The following TBL3 variants were observed in gnomAD, a reference collection of about 807,000 sequenced individuals.
TBL3 encodes transducin beta like 3.
In TBL3, 71 loss-of-function variants were observed where a neutral mutation model predicts 102.7. The observed-to-expected ratio is 0.69, with a 90% CI of 0.57 to 0.84. TBL3 has a LOEUF of 0.84. TBL3 is among the 40% of genes least tolerant of loss of function. The pLI, the probability that TBL3 is intolerant of heterozygous loss-of-function variation, is 0.00. For synonymous variants in TBL3, 578 were observed against 477.7 expected (o/e 1.21, Z -2.74); for missense variants, 1,188 against 1,098.5 (o/e 1.08, Z -1.15).
Position 1,980,258 on chromosome 16 carries a change from C to G in TBL3, c.*1573C>G. 1 of 1,518,850 alleles carries G rather than the reference C, an allele frequency of 6.6e-7. No individual in the cohort carries two copies. Among genetic ancestry groups the G allele is most frequent in the East Asian group, 2.3e-5 (1 of 42,588 alleles). 94.1% of individuals were successfully genotyped at this position (1,518,850 alleles called of 1,614,324 possible). ...ACTGGGGGCGCCACCCCGGCAAGAC[C>G]GCCAGCCTCCCACTCTCTGCCCCTA... On this transcript the variant is annotated 3_prime_UTR_variant, in exon 22 of 22. Coordinates refer to ENST00000568546, the MANE Select transcript of TBL3 (RefSeq NM_006453.3).
rs11864416 is a variant in TBL3 at position 1,978,099 on chromosome 16, C to T, written c.2062+38C>T. The T allele has an allele frequency of 3.9e-3, 6,324 of 1,609,030 alleles. 175 individuals are homozygous for T. The African/African-American group carries it at 0.064, about 16-fold the overall frequency. ...CCCGGGGGGCGAGGGGCTGGGTCTT[C>T]GGACCACTGGGCTCTGCTTTCCCCA... On this transcript the variant is annotated intron_variant, in intron 19 of 21. Coordinates refer to ENST00000568546, the MANE Select transcript of TBL3 (RefSeq NM_006453.3).
Position 1,981,753 on chromosome 16 carries a change from A to C in TBL3, c.*3068A>C, listed in dbSNP as rs1233596831. 6.4e-6 allele frequency: 1 copy of C among 156,334 alleles called. No individual in the cohort carries two copies. Among genetic ancestry groups the C allele is most frequent in the Non-Finnish European group, 1.4e-5 (1 of 70,462 alleles). The allele number at this position is 156,334 out of a possible 1,614,324, so 9.7% of individuals were successfully genotyped here. On this transcript the variant is annotated 3_prime_UTR_variant, in exon 22 of 22. Transcript: ENST00000568546. ...GGAGGAAAGGTCTCTTAATGTCCCC[A>C]ACTCATAGAGGAGGAAATGTGTGTT...
chr16:1,975,246 C>T lies in TBL3; in HGVS notation c.695C>T (p.Thr232Ile), dbSNP rs2083391458. The change falls in exon 8 of 22, where the codon ACC becomes ATC. Residue 232 changes from threonine to isoleucine, a missense_variant. Physicochemically the swap from Thr to Ile is moderately conservative, Grantham distance 89. Transcript: ENST00000568546. ...CTTCAGAGCTGCCAGGCCACGAGGA[C>T]CGTGCCTGTGTTTGAGGTGGGGATG... Reference protein sequence around the residue: ...WDLQSCQATRTVPVFESVEAA... With the variant: ...WDLQSCQATRIVPVFESVEAA... 2.5e-6 allele frequency: 4 copies of T among 1,613,906 alleles called. No individual in the cohort carries two copies. The highest frequency in any genetic ancestry group is 3.4e-6 in the Non-Finnish European group (4 of 1,180,032).
chr16:1,976,040 C>T lies in TBL3; in HGVS notation c.1130-16C>T, dbSNP rs1460202286. 1.2e-6 allele frequency: 2 copies of T among 1,614,186 alleles called. No homozygotes were observed. Among genetic ancestry groups the T allele is most frequent in the South Asian group, 2.2e-5 (2 of 91,090 alleles). ...CCGTCTTGCTGTGTGACCTATACCT[C>T]CCCACAACATCTCAGATATCGTCCT... On this transcript the variant is annotated splice_polypyrimidine_tract_variant and intron_variant, in intron 11 of 21. Coordinates refer to ENST00000568546, the MANE Select transcript of TBL3 (RefSeq NM_006453.3).
Position 1,979,108 on chromosome 16 carries a change from G to GGC in TBL3, c.*426_*427dup. On this transcript the variant is annotated 3_prime_UTR_variant, in exon 22 of 22. Transcript: ENST00000568546. Reference sequence around the variant, plus strand: ...TCCACGCACCCTCGAGGGCGGCCCTGGCGCCGTGGGCGCCGCTCCAGGGCC... The same window carrying GGC: ...TCCACGCACCCTCGAGGGCGGCCCTGGCGCGCCGTGGGCGCCGCTCCAGGGCC... The GGC allele has an allele frequency of 2.0e-6, 3 of 1,491,064 alleles. No homozygotes were observed. The highest frequency in any genetic ancestry group is 2.6e-6 in the Non-Finnish European group (3 of 1,135,460). 92.4% of individuals were successfully genotyped at this position (1,491,064 alleles called of 1,614,324 possible).
At position 1,974,178 on chromosome 16, in the gene TBL3, G is replaced by C. The variant is rs773893272; in HGVS notation, c.94-19G>C. The C allele has an allele frequency of 8.9e-6, 14 of 1,566,896 alleles. No homozygotes were observed. The highest frequency in any genetic ancestry group is 1.2e-5 in the Non-Finnish European group (14 of 1,152,578). On this transcript the variant is annotated intron_variant, in intron 2 of 21. Transcript: ENST00000568546. ...GGGGGGTGCTGAATGTTGCCTGGCT[G>C]AGACCTCTCTGTCCCCAGCTGGACC...
rs149008784 is a variant in TBL3 at position 1,975,636 on chromosome 16, G to A, written c.913G>A (p.Gly305Ser). 68 of 1,604,644 alleles carry A rather than the reference G, an allele frequency of 4.2e-5. No homozygotes were observed. The highest frequency in any genetic ancestry group is 3.1e-4 in the African/African-American group (23 of 74,906). Residue 305 changes from glycine to serine, a missense_variant, in exon 10 of 22, where the codon GGC (glycine) becomes AGC (serine). Coordinates refer to ENST00000568546, the MANE Select transcript of TBL3 (RefSeq NM_006453.3). ...CCACTGCACCCTGGCACACACCGCC[G>A]GCGTGGTCCTCACCGCCACCGCCGA... is the stretch of plus-strand genomic sequence containing the variant. ...LTHCTLAHTA[G>S]VVLTATADHN...
rs753543887 is a variant in TBL3, at chr16:1,975,400, A to C, written c.767A>C (p.Lys256Thr). 5 of 1,613,852 alleles carry C rather than the reference A, an allele frequency of 3.1e-6. No homozygotes were observed. Among genetic ancestry groups the C allele is most frequent in the Admixed American group, 1.7e-5 (1 of 60,000 alleles). Reference sequence around the variant, plus strand: ...GAGCCAGTGTCCCAGCTGGGTGTGAAGTCCCCAGGGCTGTACTTTCTGACA... The same window carrying C: ...GAGCCAGTGTCCCAGCTGGGTGTGACGTCCCCAGGGCTGTACTTTCTGACA... The part of the protein sequence containing the change: ...PEEPVSQLGV[K>T]SPGLYFLTAG... The change falls in exon 9 of 22, where the codon AAG (lysine) becomes ACG (threonine). Residue 256 changes from lysine to threonine, a missense_variant. Physicochemically the swap from Lys to Thr is moderately conservative, Grantham distance 78 (BLOSUM62 -1). Transcript: ENST00000568546.
rs561211825 is a variant in TBL3 at position 1,981,460 on chromosome 16, G to A, written c.*2775G>A. Reference sequence around the variant, plus strand: ...GAATGAGCTTTCCAGCCCTGGAGGCGTGCAAGACTGAAGAAGGGGCGAAGG... The same window carrying A: ...GAATGAGCTTTCCAGCCCTGGAGGCATGCAAGACTGAAGAAGGGGCGAAGG... On this transcript the variant is annotated 3_prime_UTR_variant, in exon 22 of 22. Transcript: ENST00000568546. 18 of 670,522 alleles carry A rather than the reference G, an allele frequency of 2.7e-5. No individual in the cohort carries two copies. The highest frequency in any genetic ancestry group is 9.2e-5 in the South Asian group (4 of 43,252). The allele number at this position is 670,522 out of a possible 1,614,324, so 41.5% of individuals were successfully genotyped here. A position where few individuals can be genotyped will look rare whatever the true frequency, so the allele number is the denominator to read the frequency against.
At position 1,977,221 on chromosome 16, in the gene TBL3, G is replaced by A; in HGVS notation, c.1608G>A (p.Leu536=). The A allele has an allele frequency of 6.2e-7, 1 of 1,613,182 alleles. No individual in the cohort carries two copies. Among genetic ancestry groups the A allele is most frequent in the Non-Finnish European group, 8.5e-7 (1 of 1,179,944 alleles). Residue 536 remains leucine (L), a synonymous_variant, in exon 15 of 22, where the codon CTG becomes CTA. Transcript: ENST00000568546. ...AGTTCTCTCCCATGGACCAGGTGCTGGCCACGGCCTCAGCTGATGGCACCA... is the reference window on the plus strand; with the variant it reads ...AGTTCTCTCCCATGGACCAGGTGCTAGCCACGGCCTCAGCTGATGGCACCA... ...CVQFSPMDQV[L]ATASADGTIK... is the part of the protein sequence containing the mutation.
rs2083458112 is a variant in TBL3 at position 1,979,701 on chromosome 16, T to C, written c.*1016T>C. 2 of 1,240,326 alleles carry C rather than the reference T, an allele frequency of 1.6e-6. No individual in the cohort carries two copies. The highest frequency in any genetic ancestry group is 1.1e-6 in the Non-Finnish European group (1 of 905,710). 76.8% of individuals were successfully genotyped at this position (1,240,326 alleles called of 1,614,324 possible). ...GGTGCGGAGACCAAGCACGGGCTCC[T>C]GGCCCGCCCTGCCCGCGGTGCTTCT... On this transcript the variant is annotated 3_prime_UTR_variant, in exon 22 of 22. Coordinates refer to ENST00000568546, the MANE Select transcript of TBL3 (RefSeq NM_006453.3).
At position 1,977,125 on chromosome 16, in the gene TBL3, G is replaced by C. The variant is rs1191870126; in HGVS notation, c.1512G>C (p.Lys504Asn). The C allele has an allele frequency of 5.6e-6, 9 of 1,613,094 alleles. No individual in the cohort carries two copies. Among genetic ancestry groups the C allele is most frequent in the Non-Finnish European group, 7.6e-6 (9 of 1,180,022 alleles). ...LATGSQDRTA[K>N]LWALPQCQLL... The stretch of plus-strand genomic sequence containing the variant: ...CAGGCTCACAGGACCGCACGGCCAA[G>C]CTCTGGGCCCTGCCACAGTGCCAGC... The change falls in exon 15 of 22, where the codon AAG becomes AAC. Residue 504 changes from lysine (K) to asparagine (N), a missense_variant. Lys to Asn is a moderately conservative substitution (Grantham distance 94, BLOSUM62 0). Coordinates refer to ENST00000568546, the MANE Select transcript of TBL3 (RefSeq NM_006453.3).
At position 1,981,489 on chromosome 16, in the gene TBL3, G is replaced by A. The variant is rs2083509800; in HGVS notation, c.*2804G>A. 8 of 477,616 alleles carry A rather than the reference G, an allele frequency of 1.7e-5. No homozygotes were observed. The South Asian group carries it at 1.8e-4, about 11-fold the overall frequency. 29.6% of individuals were successfully genotyped at this position (477,616 alleles called of 1,614,324 possible). A position where few individuals can be genotyped will look rare whatever the true frequency, so the allele number is the denominator to read the frequency against. On this transcript the variant is annotated 3_prime_UTR_variant, in exon 22 of 22. Coordinates refer to ENST00000568546, the MANE Select transcript of TBL3 (RefSeq NM_006453.3). The stretch of plus-strand genomic sequence containing the variant: ...AAGACTGAAGAAGGGGCGAAGGGTA[G>A]GCGGGACTGCTGCCTGGGGCCCTCC...
chr16:1,975,226 G>GA lies in TBL3; in HGVS notation c.676dup (p.Ser226LysfsTer12). On this transcript the variant is annotated frameshift_variant, in exon 8 of 22. Transcript: ENST00000568546. LOFTEE classifies it high-confidence loss of function. ...AGATATGTATCATCTGGGACCTTCA[G>GA]AGCTGCCAGGCCACGAGGACCGTGC... is the stretch of plus-strand genomic sequence containing the variant. 6.2e-7 allele frequency: 1 copy of GA among 1,613,906 alleles called. No homozygotes were observed. The highest frequency in any genetic ancestry group is 1.3e-5 in the African/African-American group (1 of 75,046).
rs746511582 is a variant in TBL3 at position 1,979,335 on chromosome 16, G to A, written c.*650G>A. The A allele has an allele frequency of 1.3e-5, 21 of 1,574,658 alleles. No homozygotes were observed. Among genetic ancestry groups the A allele is most frequent in the Non-Finnish European group, 1.8e-5 (21 of 1,167,768 alleles). ...CAGCAGCACCGCGGGGAGTAGGCCC[G>A]CCCGGTCGCCGTACCTGCGAGGGGC... On this transcript the variant is annotated 3_prime_UTR_variant, in exon 22 of 22. Coordinates refer to ENST00000568546, the MANE Select transcript of TBL3 (RefSeq NM_006453.3).
Position 1,975,348 on chromosome 16 carries a change from G to A in TBL3, c.715G>A (p.Val239Met), listed in dbSNP as rs776909164. 3.8e-5 allele frequency: 62 copies of A among 1,613,910 alleles called. 1 individual carries two copies. Among genetic ancestry groups the A allele is most frequent in the Admixed American group, 3.2e-4 (19 of 60,006 alleles). The change falls in exon 9 of 22, where the codon GTG (valine) becomes ATG (methionine). Residue 239 changes from valine (V) to methionine (M), a missense_variant. Coordinates refer to ENST00000568546, the MANE Select transcript of TBL3 (RefSeq NM_006453.3). ...ATRTVPVFES[V>M]EAAVLLPEEP... The stretch of plus-strand genomic sequence containing the variant: ...CTGTGACCCAATTCGTCTCCAGAGC[G>A]TGGAGGCTGCTGTGCTGTTGCCAGA...
rs2083398886 is a variant in TBL3, at chr16:1,976,043, CACA to C, written c.1130-9_1130-7del. ...TCTTGCTGTGTGACCTATACCTCCC[CACA>C]ACATCTCAGATATCGTCCTGGCCCT... On this transcript the variant is annotated splice_polypyrimidine_tract_variant and intron_variant, in intron 11 of 21. Transcript: ENST00000568546. 2.5e-6 allele frequency: 4 copies of C among 1,614,078 alleles called. No individual in the cohort carries two copies. Among genetic ancestry groups the C allele is most frequent in the East Asian group, 4.5e-5 (2 of 44,900 alleles).
At position 1,979,283 on chromosome 16, in the gene TBL3, C is replaced by G. The variant is rs1442967032; in HGVS notation, c.*598C>G. 2.6e-6 allele frequency: 4 copies of G among 1,556,700 alleles called. No homozygotes were observed. In the Admixed American group the frequency reaches 7.3e-5, roughly 28 times the overall value. ...CTCCTCCACGGAACCCCGTCCCGCT[C>G]AGGAGAGCGCCCAGCCCTTCCGGCC... On this transcript the variant is annotated 3_prime_UTR_variant, in exon 22 of 22. Transcript: ENST00000568546.
In TBL3 at chr16:1,975,428, T is replaced by C; in HGVS notation, c.795T>C (p.Ala265=). Residue 265 remains alanine, a synonymous_variant, in exon 9 of 22, where the codon GCT becomes GCC. Transcript: ENST00000568546. ...CCCCAGGGCTGTACTTTCTGACAGC[T>C]GGCGACCAAGGTGTGTTGGGCCGGG... ...VKSPGLYFLT[A]GDQGTLRVWE... The C allele has an allele frequency of 6.2e-7, 1 of 1,613,756 alleles. No homozygotes were observed. The highest frequency in any genetic ancestry group is 8.5e-7 in the Non-Finnish European group (1 of 1,179,912).
Sources: gnomAD v4.1 joint callset for allele counts on GRCh38, gnomAD v4.1.1 for gene constraint, MANE v1.5 for transcripts, NCBI Gene and HGNC (gene_info 2026-07-23, HGNC 2026-07-21) for gene names.